Variants in GTPBP1 observed in about 807,000 individuals in gnomAD.
The protein encoded by GTPBP1 is GTP-binding protein 1.
GTPBP1 carries 23 observed loss-of-function variants against 62.0 expected under a neutral mutation model. That is an observed-to-expected ratio of 0.37 (90% confidence interval 0.27 to 0.53). The LOEUF (loss-of-function observed/expected upper bound fraction) is 0.53. GTPBP1 is among the 20% of genes least tolerant of loss of function. The pLI is 0.89. For synonymous variants in GTPBP1, 344 were observed against 364.4 expected, an observed-to-expected ratio of 0.94 and a Z score of 0.64; for missense variants, 640 against 917.3, an observed-to-expected ratio of 0.70 and a Z score of 3.90.
intron 5 of GTPBP1, among the ~76,000 whole-genome samples, 184 bp from the exon 6 acceptor site, chr22:38,724,113 C>A (rs2092714786): frequency 6.6e-6 from 1 of 152,082 alleles, no homozygotes; most frequent in Non-Finnish European, 1.5e-5. Flanking sequence ...GCTTTTCTTA[C>A]TCTAGCAGCA....
At chr22:38,742,336 CCTT>C, downstream of GTPBP1, 1 of 1,608,334 alleles carries the variant, frequency 6.2e-7, no homozygotes, top group Non-Finnish European at 8.5e-7. Context: ...CGGAAATCCT[CCTT>C]CAGGGCAGCT....
downstream of GTPBP1, chr22:38,742,206 A>T: frequency 1.4e-6 from 2 of 1,459,404 alleles, no homozygotes; most frequent in Non-Finnish European, 1.8e-6. Flanking sequence ...GAGCTGTCTG[A>T]TCCCAAATGA....
chr22:38,716,970 A>C lies in GTPBP1; in HGVS notation c.804A>C (p.Thr268=). ...TGAAAACCACTGTCTTCGGCATGAC[A>C]GGCCATCTGCCTGACTTCTGCATGC... ...KYLKTTVFGM[T]GHLPDFCMLM... Residue 268 remains threonine (T), a synonymous_variant, in exon 4 of 12, where the codon ACA becomes ACC. Transcript: ENST00000216044. This position sits in a 1 kb window ranked among gnomAD's most constrained non-coding sequence, Gnocchi z 5.2. 6.2e-7 allele frequency: 1 copy of C among 1,612,304 alleles called. No homozygotes were observed. Among genetic ancestry groups the C allele is most frequent in the Non-Finnish European group, 8.5e-7 (1 of 1,178,444 alleles).
chr22:38,724,442 G>A, intron 6 of GTPBP1, 31 bp downstream of exon 6: 1 of 1,311,190 alleles, frequency 7.6e-7, no homozygotes, highest in Non-Finnish European at 1.1e-6. Flanking sequence ...ACTTCAGACA[G>A]GCACCCTTGC....
downstream of GTPBP1, chr22:38,742,428 G>T (rs759435456): frequency 6.8e-6 from 11 of 1,613,462 alleles, no homozygotes; most frequent in South Asian, 1.1e-4. Flanking sequence ...CTGGCCAGGA[G>T]CCCCTTGCCG....
At chr22:38,707,627 T>C (rs2092612797) in intron 1 of GTPBP1, among the ~76,000 whole-genome samples, 1 of 152,180 alleles carries the variant, frequency 6.6e-6, no homozygotes, top group Non-Finnish European at 1.5e-5. Context: ...AAACTGGATG[T>C]CAACACATGG....
At chr22:38,724,073 G>A (rs887318157) in intron 5 of GTPBP1, among the ~76,000 whole-genome samples, 1 of 152,058 alleles carries the variant, frequency 6.6e-6, no homozygotes, top group Admixed American at 6.6e-5. Context: ...GGTTTCAGAC[G>A]CAGAACCCTA....
rs1249939905 is a variant in GTPBP1 at position 38,731,334 on chromosome 22, T to TTC, written c.*639_*640dup. ...CAGGGAGAAAGTAGTGGCTTCCCTTTTCTCTCTCTCCTCCTTTTTCCCTTT... is the reference window on the plus strand; with the variant it reads ...CAGGGAGAAAGTAGTGGCTTCCCTTTTCTCTCTCTCTCCTCCTTTTTCCCTTT... On this transcript the variant is annotated 3_prime_UTR_variant, in exon 12 of 12. Coordinates refer to ENST00000216044, the MANE Select transcript of GTPBP1 (RefSeq NM_004286.5). 1 of 152,252 alleles carries TTC rather than the reference T, an allele frequency of 6.6e-6. No homozygotes were observed. Among genetic ancestry groups the TTC allele is most frequent in the Non-Finnish European group, 1.5e-5 (1 of 68,120 alleles). The allele number at this position is 152,252 out of a possible 1,614,324, so 9.4% of individuals were successfully genotyped here. A position where few individuals can be genotyped will look rare whatever the true frequency, so the allele number is the denominator to read the frequency against.
rs1331117135 is a variant in GTPBP1 at position 38,723,077 on chromosome 22, A to G, written c.958+1212A>G. 25 of 774,804 alleles carry G rather than the reference A, an allele frequency of 3.2e-5. No individual in the cohort carries two copies. The South Asian group carries it at 3.6e-4, about 11-fold the overall frequency. 48.0% of individuals were successfully genotyped at this position (774,804 alleles called of 1,614,324 possible). The stretch of plus-strand genomic sequence containing the variant: ...ACCACCATTATTTCTTGGTGTATTT[A>G]TCCAGGCAAGATGACTAAAGTGGGA... On this transcript the variant is annotated intron_variant, in intron 5 of 11. Transcript: ENST00000216044.
chr22:38,734,984 G>A (rs369065797), downstream of GTPBP1: 47 of 287,120 alleles, frequency 1.6e-4, 1 homozygote, highest in African/African-American at 7.6e-4. Flanking sequence ...AGACACAGCC[G>A]GAACCAGTGC....
chr22:38,716,190 G>A lies in GTPBP1; in HGVS notation c.485+103G>A, dbSNP rs998025957. 2.1e-6 allele frequency: 2 copies of A among 960,096 alleles called. No homozygotes were observed. The highest frequency in any genetic ancestry group is 2.4e-5 in the Admixed American group (1 of 42,244). 59.5% of individuals were successfully genotyped at this position (960,096 alleles called of 1,614,324 possible). ...CAGCTCCATCCTTTCCCCTCCTGAG[G>A]CGGGGAAAGAGTGTCCAGGTGTCTG... On this transcript the variant is annotated intron_variant, in intron 3 of 11. Coordinates refer to ENST00000216044, the MANE Select transcript of GTPBP1 (RefSeq NM_004286.5). The surrounding 1 kb of genome is among the most constrained non-coding windows in gnomAD (Gnocchi z 5.2).
Position 38,724,419 on chromosome 22 carries a change from G to T in GTPBP1, c.1073+8G>T. Reference sequence around the variant, plus strand: ...CAACTTCAGCTCTGAAAGGTAACGCGTGGGGAGCGCACACTTCAGACAGGC... The same window carrying T: ...CAACTTCAGCTCTGAAAGGTAACGCTTGGGGAGCGCACACTTCAGACAGGC... On this transcript the variant is annotated splice_region_variant and intron_variant, in intron 6 of 11. Coordinates refer to ENST00000216044, the MANE Select transcript of GTPBP1 (RefSeq NM_004286.5). 1.3e-6 allele frequency: 2 copies of T among 1,526,140 alleles called. No individual in the cohort carries two copies. Among genetic ancestry groups the T allele is most frequent in the African/African-American group, 1.4e-5 (1 of 73,300 alleles). 94.5% of individuals were successfully genotyped at this position (1,526,140 alleles called of 1,614,324 possible). A position where few individuals can be genotyped will look rare whatever the true frequency, so the allele number is the denominator to read the frequency against.
chr22:38,707,309 A>G (rs895855539), intron 1 of GTPBP1, among the ~76,000 whole-genome samples: 7 of 152,250 alleles, frequency 4.6e-5, no homozygotes, highest in African/African-American at 1.7e-4. Flanking sequence ...GTGACTTTTT[A>G]TAGTTTATGG....
At chr22:38,739,597 G>GCAAAGC (rs2092836865), downstream of GTPBP1, 2 of 1,334,986 alleles carry the variant, frequency 1.5e-6, no homozygotes, top group South Asian at 2.6e-5. The surrounding 1 kb of genome is among the most constrained non-coding windows in gnomAD (Gnocchi z 6.7). Flanking sequence ...CCCACAGCAT[G>GCAAAGC]CAAAGCCTCC....
downstream of GTPBP1, chr22:38,737,834 G>A (rs921341286): frequency 2.0e-6 from 1 of 508,168 alleles, no homozygotes; most frequent in Non-Finnish European, 3.9e-6. This position sits in a 1 kb window ranked among gnomAD's most constrained non-coding sequence, Gnocchi z 4.1. Flanking sequence ...GGCCATGGTA[G>A]AATGCCCGCG....
chr22:38,726,531 GCTGCT>G lies in GTPBP1; in HGVS notation c.1401+96_1401+100del. On this transcript the variant is annotated intron_variant, in intron 8 of 11. Coordinates refer to ENST00000216044, the MANE Select transcript of GTPBP1 (RefSeq NM_004286.5). This position sits in a 1 kb window ranked among gnomAD's most constrained non-coding sequence, Gnocchi z 4.1. The stretch of plus-strand genomic sequence containing the variant: ...CTGCTCACCCACTCTAGTCCTCATG[GCTGCT>G]CTGCAAGGTCGGGATTACTGGCTTC... 1 of 1,113,356 alleles carries G rather than the reference GCTGCT, an allele frequency of 9.0e-7. No individual in the cohort carries two copies. The highest frequency in any genetic ancestry group is 1.3e-6 in the Non-Finnish European group (1 of 751,876). The allele number at this position is 1,113,356 out of a possible 1,614,324, so 69.0% of individuals were successfully genotyped here. A position where few individuals can be genotyped will look rare whatever the true frequency, so the allele number is the denominator to read the frequency against.
chr22:38,738,777 C>G, downstream of GTPBP1: 1 of 1,610,238 alleles, frequency 6.2e-7, no homozygotes, highest in Non-Finnish European at 8.5e-7. This position sits in a 1 kb window ranked among gnomAD's most constrained non-coding sequence, Gnocchi z 6.6. Flanking sequence ...AAAGTCATGT[C>G]AGGACAGGGC....
chr22:38,740,500 A>G, downstream of GTPBP1: 1 of 1,397,338 alleles, frequency 7.2e-7, no homozygotes, highest in South Asian at 1.7e-5. This position sits in a 1 kb window ranked among gnomAD's most constrained non-coding sequence, Gnocchi z 4.8. Flanking sequence ...ACCAAAGATG[A>G]AAGAGGACCC....
Position 38,716,021 on chromosome 22 carries a change from C to T in GTPBP1, c.419C>T (p.Ala140Val). 6.2e-7 allele frequency: 1 copy of T among 1,613,988 alleles called. No homozygotes were observed. Among genetic ancestry groups the T allele is most frequent in the African/African-American group, 1.3e-5 (1 of 75,006 alleles). The part of the protein sequence containing the change: ...DVILLRERQE[A>V]GGRVRDYLVR... Reference sequence around the variant, plus strand: ...ATCCTTCTGCGGGAACGGCAAGAAGCTGGGGGCCGCGTGCGTGATTACCTG... The same window carrying T: ...ATCCTTCTGCGGGAACGGCAAGAAGTTGGGGGCCGCGTGCGTGATTACCTG... The change falls in exon 3 of 12, where the codon GCT (alanine) becomes GTT (valine). Residue 140 changes from alanine (A) to valine (V), a missense_variant. By Grantham distance (64) the Ala-to-Val change is moderately conservative (BLOSUM62 0). This residue lies in a region of GTPBP1 where 215 missense variants were observed against 235.1 expected (regional missense o/e 0.91). Transcript: ENST00000216044. This position sits in a 1 kb window ranked among gnomAD's most constrained non-coding sequence, Gnocchi z 5.2.
Sources: allele counts gnomAD v4.1 joint callset (sites outside exome capture counted in the v4.1 genomes callset), GRCh38; gene constraint gnomAD v4.1.1; regional missense constraint gnomAD v4.1.1; non-coding constraint Gnocchi (gnomAD v3.1); transcripts MANE v1.5; gene names NCBI Gene and HGNC (gene_info 2026-07-23, HGNC 2026-07-21).